Variants in TPST2 observed in about 807,000 individuals in gnomAD.
TPST2 encodes tyrosylprotein sulfotransferase 2.
A neutral mutation model predicts 27.8 loss-of-function variants in TPST2; 16 were observed. The ratio of observed to expected loss-of-function variants is 0.58; its 90% confidence interval spans 0.39 to 0.88. The LOEUF (loss-of-function observed/expected upper bound fraction) is 0.88, where lower values mean the gene tolerates loss of function less well. Among genes scored for constraint, TPST2 ranks in the 40% least tolerant of loss-of-function variants. The pLI, the probability that TPST2 is intolerant of heterozygous loss-of-function variation, is 0.00. For synonymous variants in TPST2, 229 were observed against 231.7 expected, an observed-to-expected ratio of 0.99 and a Z score of 0.10; for missense variants, 464 against 543.1, an observed-to-expected ratio of 0.85 and a Z score of 1.45.
intron 1 of TPST2, among the ~76,000 whole-genome samples, chr22:26,563,992 T>C (rs1927254850): frequency 6.6e-6 from 1 of 152,188 alleles, no homozygotes. Context: ...TTTCAGCAGA[T>C]ACTGCAAGTG....
intron 1 of TPST2, among the ~76,000 whole-genome samples, chr22:26,549,818 C>T (rs1386412762): frequency 2.1e-5 from 3 of 143,874 alleles, no homozygotes; most frequent in East Asian, 2.1e-4. Context: ...ATCACGAAGT[C>T]AGGAGATCGA....
At chr22:26,583,732 T>C (rs753300115) in intron 1 of TPST2, among the ~76,000 whole-genome samples, 140 of 151,362 alleles carry the variant, frequency 9.2e-4, no homozygotes, top group Non-Finnish European at 1.2e-3. Context: ...CCCAGCTACT[T>C]GGGAGGCTGA....
chr22:26,549,850 GA>G (rs1263678085), intron 1 of TPST2, among the ~76,000 whole-genome samples: 1 of 136,802 alleles, frequency 7.3e-6, no homozygotes, highest in Non-Finnish European at 1.5e-5. Context: ...CTAACACGGT[GA>G]AACCCCCCTC....
rs1326582789 is a variant in TPST2 at position 26,555,890 on chromosome 22, GCTGCTCACACT to G, written c.-160-11226_-160-11216del. On this transcript the variant is annotated intron_variant, in intron 1 of 6. Transcript: ENST00000338754. ...AATAAGAAATCCAGAGGCGGAATGG[GCTGCTCACACT>G]CTGCTCACACTCACACAGCAGGTGC... is the stretch of plus-strand genomic sequence containing the variant. Among the ~76,000 whole-genome samples the G allele has an allele frequency of 2.6e-5, 4 of 152,328 alleles. No homozygotes were observed. In the South Asian group the frequency reaches 6.2e-4, roughly 24 times the overall value.
At chr22:26,546,317 C>T (rs913031202) in intron 1 of TPST2, among the ~76,000 whole-genome samples, 1 of 152,156 alleles carries the variant, frequency 6.6e-6, no homozygotes, top group African/African-American at 2.4e-5. Flanking sequence ...AGCAGGCCAC[C>T]CCCAAACTAT....
chr22:26,583,863 AG>A (rs1422920037), intron 1 of TPST2, among the ~76,000 whole-genome samples: 1 of 152,210 alleles, frequency 6.6e-6, no homozygotes, highest in Non-Finnish European at 1.5e-5. Flanking sequence ...TTGTTTTTAA[AG>A]CAATGGAACT....
rs935178532 is a variant in TPST2, at chr22:26,522,061, C to A, written c.*4214G>T. 6.6e-6 allele frequency: 1 copy of A among 152,074 alleles called. No individual in the cohort carries two copies. Among genetic ancestry groups the A allele is most frequent in the South Asian group, 2.1e-4 (1 of 4,822 alleles). 9.4% of individuals were successfully genotyped at this position (152,074 alleles called of 1,614,324 possible). A position where few individuals can be genotyped will look rare whatever the true frequency, so the allele number is the denominator to read the frequency against. On this transcript the variant is annotated 3_prime_UTR_variant, in exon 7 of 7. Transcript: ENST00000338754. Reference sequence around the variant, plus strand: ...ATCATTATAGCTACCATGTATTAAGCCTTCACCATGGGGCTGTTAAGTCTT... The same window carrying A: ...ATCATTATAGCTACCATGTATTAAGACTTCACCATGGGGCTGTTAAGTCTT...
At chr22:26,578,799 G>C (rs1175163487) in intron 1 of TPST2, among the ~76,000 whole-genome samples, 6 of 151,814 alleles carry the variant, frequency 4.0e-5, no homozygotes. Context: ...CAACTCTCTG[G>C]GCCTCAGTTT....
chr22:26,554,995 T>C (rs547194021), intron 1 of TPST2, among the ~76,000 whole-genome samples: 1 of 152,344 alleles, frequency 6.6e-6, no homozygotes, highest in African/African-American at 2.4e-5. Flanking sequence ...ACCTGACTGT[T>C]ATTCCTTCCC....
chr22:26,553,292 C>G (rs1234327435), intron 1 of TPST2, among the ~76,000 whole-genome samples: 1 of 151,474 alleles, frequency 6.6e-6, no homozygotes, highest in Non-Finnish European at 1.5e-5. Context: ...GAAGTGCACA[C>G]TCATGCATAG....
intron 3 of TPST2, 141 bp from the exon 4 acceptor site, chr22:26,536,627 T>C (rs1186667614): frequency 1.3e-5 from 9 of 712,414 alleles, no homozygotes; most frequent in Non-Finnish European, 1.5e-5. Context: ...AACTGTGAGA[T>C]GGCAGGTGAG....
intron 1 of TPST2, among the ~76,000 whole-genome samples, chr22:26,580,519 C>T (rs1024383672): frequency 6.6e-6 from 1 of 152,220 alleles, no homozygotes; most frequent in Admixed American, 6.5e-5. Flanking sequence ...TGAACACTAC[C>T]TTCCCAATGT....
intron 1 of TPST2, among the ~76,000 whole-genome samples, chr22:26,546,299 C>T (rs1926120793): frequency 6.6e-6 from 1 of 152,088 alleles, no homozygotes. Flanking sequence ...GCAACTAGAC[C>T]CCCCCACAGC....
intron 1 of TPST2, among the ~76,000 whole-genome samples, chr22:26,548,550 A>G (rs34477742): frequency 0.36 from 54,742 of 151,410 alleles, 10,395 homozygotes; most frequent in African/African-American, 0.46. Context: ...AGAAAGAAAA[A>G]AGAGAAAGAG....
intron 1 of TPST2, among the ~76,000 whole-genome samples, chr22:26,578,853 C>CTTT (rs869169533): frequency 1.4e-5 from 2 of 138,948 alleles, no homozygotes; most frequent in Non-Finnish European, 3.1e-5. Flanking sequence ...TTCTTTCTTT[C>CTTT]TTTTTTTTTT....
chr22:26,542,945 T>C (rs1423234919), intron 2 of TPST2, among the ~76,000 whole-genome samples: 1 of 152,198 alleles, frequency 6.6e-6, no homozygotes, highest in East Asian at 1.9e-4. Flanking sequence ...TCTTAGGCTA[T>C]AGCAAGTGGA....
intron 3 of TPST2, among the ~76,000 whole-genome samples, chr22:26,540,298 T>C (rs1325011486): frequency 1.3e-5 from 2 of 152,132 alleles, no homozygotes; most frequent in African/African-American, 4.8e-5. Flanking sequence ...ACAAAGCATA[T>C]TCAAAGTTTG....
At position 26,540,830 on chromosome 22, in the gene TPST2, A is replaced by G. The variant is rs1408837783; in HGVS notation, c.801T>C (p.His267=). 1.9e-6 allele frequency: 3 copies of G among 1,611,566 alleles called. No individual in the cohort carries two copies. The highest frequency in any genetic ancestry group is 1.7e-6 in the Non-Finnish European group (2 of 1,178,532). The change falls in exon 3 of 7, where the codon CAT becomes CAC. Residue 267 remains histidine (H), a synonymous_variant. Transcript: ENST00000338754. Reference sequence around the variant, plus strand: ...CACCGGGCTTGCCAATGAGGTCTTCATGGTGGAGGACAGCGTCGCTCCAGG... The same window carrying G: ...CACCGGGCTTGCCAATGAGGTCTTCGTGGTGGAGGACAGCGTCGCTCCAGG... ...GIAWSDAVLH[H]EDLIGKPGGV...
At chr22:26,552,955 G>C (rs1056777286) in intron 1 of TPST2, among the ~76,000 whole-genome samples, 1 of 151,092 alleles carries the variant, frequency 6.6e-6, no homozygotes, top group African/African-American at 2.4e-5. Context: ...AGCTACTCGA[G>C]AGCCTGAGGC....
Sources: gnomAD v4.1 joint callset for allele counts (sites outside exome capture counted in the v4.1 genomes callset) on GRCh38, gnomAD v4.1.1 for gene constraint, MANE v1.5 for transcripts, NCBI Gene and HGNC (gene_info 2026-07-23, HGNC 2026-07-21) for gene names.